Variants in WWOX observed in about 807,000 individuals in gnomAD.
WWOX encodes WW domain-containing oxidoreductase.
A neutral mutation model predicts 46.2 loss-of-function variants in WWOX; 69 were observed. The observed-to-expected ratio is 1.49, with a 90% CI of 1.23 to 1.82. The LOEUF (loss-of-function observed/expected upper bound fraction) is 1.82. WWOX is among the 40% of genes most tolerant of loss of function. The pLI, the probability that WWOX is intolerant of heterozygous loss-of-function variation, is 0.00. For missense variants in WWOX, 919 were observed against 542.6 expected (o/e 1.69, Z -6.89); for synonymous variants, 359 against 202.6 (o/e 1.77, Z -6.56).
chr16:78,882,152 A>G (rs188678798), intron 8 of WWOX, among the ~76,000 whole-genome samples: 4 of 152,294 alleles, frequency 2.6e-5, no homozygotes, highest in African/African-American at 9.6e-5. Flanking sequence ...AACTGACAAT[A>G]AATAGTTTTC....
In WWOX at chr16:78,837,056, C is replaced by T. The variant is rs946545306; in HGVS notation, c.1057-374552C>T. On this transcript the variant is annotated intron_variant, in intron 8 of 8. Transcript: ENST00000566780. The stretch of plus-strand genomic sequence containing the variant: ...GAAACCAGAGCCCAGATTATATTAA[C>T]AAGAAGTTCCAGAATTGCAGATGGC... Among the ~76,000 whole-genome samples, 7 of 151,834 alleles carry T rather than the reference C, an allele frequency of 4.6e-5. No individual in the cohort carries two copies. The East Asian group carries it at 5.8e-4, about 13-fold the overall frequency.
intron 8 of WWOX, among the ~76,000 whole-genome samples, chr16:78,558,766 G>C (rs1303097457): frequency 6.6e-6 from 1 of 152,222 alleles, no homozygotes. Flanking sequence ...TGGCCTTTGT[G>C]TTGTCACATT....
At chr16:78,522,101 A>G (rs1399055553) in intron 8 of WWOX, among the ~76,000 whole-genome samples, 4 of 151,592 alleles carry the variant, frequency 2.6e-5, no homozygotes, top group African/African-American at 9.7e-5. Context: ...CTCTTTTCAT[A>G]TACAAGGGAA....
intron 8 of WWOX, among the ~76,000 whole-genome samples, chr16:78,562,228 G>A (rs1171124967): frequency 2.6e-5 from 4 of 152,170 alleles, no homozygotes; most frequent in Admixed American, 2.6e-4. Context: ...GGAAATAAGA[G>A]CCTCGCGAGG....
intron 8 of WWOX, among the ~76,000 whole-genome samples, chr16:78,733,456 A>G (rs2049011904): frequency 1.3e-5 from 2 of 151,916 alleles, no homozygotes; most frequent in Non-Finnish European, 2.9e-5. Context: ...CCTTGTCTCA[A>G]AAAATAACTG....
chr16:78,924,916 C>T (rs1033742896), intron 8 of WWOX, among the ~76,000 whole-genome samples: 1 of 152,154 alleles, frequency 6.6e-6, no homozygotes, highest in African/African-American at 2.4e-5. Context: ...CATACTTGGC[C>T]AGGCCTGGAG....
At chr16:78,842,786 A>T (rs1016799915) in intron 8 of WWOX, among the ~76,000 whole-genome samples, 5 of 132,740 alleles carry the variant, frequency 3.8e-5, no homozygotes, top group African/African-American at 1.0e-4. Context: ...CAGGAGGCGG[A>T]GGTTGCAGTC....
At chr16:78,134,789 G>A (rs2033731101) in intron 4 of WWOX, among the ~76,000 whole-genome samples, 1 of 152,190 alleles carries the variant, frequency 6.6e-6, no homozygotes, top group Admixed American at 6.5e-5. Context: ...GTTGGTTTTA[G>A]AAAGCTTGAT....
At chr16:78,225,243 G>C (rs1033150585) in intron 5 of WWOX, among the ~76,000 whole-genome samples, 1 of 152,084 alleles carries the variant, frequency 6.6e-6, no homozygotes, top group African/African-American at 2.4e-5. Flanking sequence ...GTAATACAAT[G>C]GGACATATTT....
At chr16:78,698,173 C>T (rs901022441) in intron 8 of WWOX, among the ~76,000 whole-genome samples, 2 of 152,112 alleles carry the variant, frequency 1.3e-5, no homozygotes, top group Admixed American at 1.3e-4. Flanking sequence ...TCCCCTTTGT[C>T]AAAGAGAGAC....
At chr16:79,205,260 C>T (rs1417777159) in intron 8 of WWOX, 1 of 152,158 alleles carries the variant, frequency 6.6e-6, no homozygotes, top group Non-Finnish European at 1.5e-5. Flanking sequence ...GCACTTTACT[C>T]TCTCTGAGCC....
chr16:78,490,773 T>C (rs1363251978), intron 8 of WWOX, among the ~76,000 whole-genome samples: 3 of 152,168 alleles, frequency 2.0e-5, no homozygotes, highest in Admixed American at 6.5e-5. Flanking sequence ...AAGCACCCCT[T>C]ACCCAGCAAA....
intron 5 of WWOX, among the ~76,000 whole-genome samples, chr16:78,266,501 C>T (rs1047135006): frequency 1.3e-5 from 2 of 152,190 alleles, no homozygotes; most frequent in African/African-American, 4.8e-5. Flanking sequence ...CTTTGTTCTT[C>T]TTATTTGTCC....
chr16:78,119,662 C>T (rs1015538054), intron 4 of WWOX, among the ~76,000 whole-genome samples: 2 of 151,100 alleles, frequency 1.3e-5, no homozygotes, highest in East Asian at 3.9e-4. Flanking sequence ...TGGGGTCTCA[C>T]TGTGTTGCTC....
chr16:78,836,390 G>T (rs1161519058), intron 8 of WWOX, among the ~76,000 whole-genome samples: 1 of 152,104 alleles, frequency 6.6e-6, no homozygotes, highest in Non-Finnish European at 1.5e-5. Flanking sequence ...TTTCGGCAGT[G>T]GTTTCCCTGG....
At chr16:78,434,607 G>C (rs1226281423) in intron 8 of WWOX, among the ~76,000 whole-genome samples, 10 of 152,098 alleles carry the variant, frequency 6.6e-5, no homozygotes, top group Admixed American at 6.6e-4. Flanking sequence ...TGTAATCTTT[G>C]GGTCTTGAGT....
chr16:78,826,088 G>C, intron 8 of WWOX: 1 of 346,828 alleles, frequency 2.9e-6, no homozygotes. Context: ...AAAGACAACC[G>C]GGAATGCCTG....
chr16:78,515,918 A>G (rs1425603680), intron 8 of WWOX, among the ~76,000 whole-genome samples: 1 of 152,124 alleles, frequency 6.6e-6, no homozygotes, highest in African/African-American at 2.4e-5. Context: ...AAATTTTGTT[A>G]CGTGTTGTTA....
chr16:78,462,228 C>G (rs1462410019), intron 8 of WWOX, among the ~76,000 whole-genome samples: 1 of 151,750 alleles, frequency 6.6e-6, no homozygotes, highest in African/African-American at 2.4e-5. Context: ...ATATCTTTCT[C>G]TCTTGCTCAC....
Sources: allele counts gnomAD v4.1 joint callset (sites outside exome capture counted in the v4.1 genomes callset), GRCh38; gene constraint gnomAD v4.1.1; transcripts MANE v1.5; gene names NCBI Gene and HGNC (gene_info 2026-07-23, HGNC 2026-07-21).